The following GPC6 variants were observed in gnomAD, a reference collection of about 807,000 sequenced individuals.
GPC6 encodes glypican 6.
In GPC6, 14 loss-of-function variants were observed where a neutral mutation model predicts 55.2. That is an observed-to-expected ratio of 0.25 (90% confidence interval 0.17 to 0.40). The LOEUF (loss-of-function observed/expected upper bound fraction) is 0.40, where lower values mean the gene tolerates loss of function less well. GPC6 is among the 10% of genes least tolerant of loss of function. The probability of loss-of-function intolerance (pLI) is 1.00; values close to 1 mark genes in which losing one functional copy is unlikely to be tolerated. For synonymous variants in GPC6, 278 were observed against 259.6 expected (o/e 1.07, Z -0.68); for missense variants, 641 against 708.5 (o/e 0.90, Z 1.08).
At position 93,439,699 on chromosome 13, in the gene GPC6, T is replaced by TAAAATAAAATAAAATAAA. The variant is rs1566358102; in HGVS notation, c.161-105562_161-105545dup. 1.1e-3 allele frequency among the ~76,000 whole-genome samples: 156 copies of TAAAATAAAATAAAATAAA among 136,480 alleles called. 2 individuals carry two copies. Among genetic ancestry groups the TAAAATAAAATAAAATAAA allele is most frequent in the African/African-American group, 4.4e-3 (140 of 32,138 alleles). The allele number at this position is 136,480 out of a possible 152,430, so 89.5% of individuals were successfully genotyped here. ...AATAAAATAAAATAAATAAAAAAAATAAAATAAAATAAAATAAAATAAAAC... is the reference window on the plus strand; with the variant it reads ...AATAAAATAAAATAAATAAAAAAAATAAAATAAAATAAAATAAAAAAATAAAATAAAATAAAATAAAAC... On this transcript the variant is annotated intron_variant, in intron 1 of 8. Coordinates refer to ENST00000377047, the MANE Select transcript of GPC6 (RefSeq NM_005708.5).
intron 4 of GPC6, among the ~76,000 whole-genome samples, chr13:94,235,194 A>G (rs1445930295): frequency 6.6e-6 from 1 of 152,156 alleles, no homozygotes; most frequent in Non-Finnish European, 1.5e-5. Context: ...TGAACTGGAG[A>G]TCAAAGAGTG....
chr13:93,714,031 A>G (rs565173581), intron 2 of GPC6, among the ~76,000 whole-genome samples: 3 of 152,042 alleles, frequency 2.0e-5, no homozygotes, highest in South Asian at 4.1e-4. Flanking sequence ...CTTGAGAAAG[A>G]ATTTATGACT....
At chr13:93,708,072 TCAAA>T (rs1882917046) in intron 2 of GPC6, among the ~76,000 whole-genome samples, 1 of 151,788 alleles carries the variant, frequency 6.6e-6, no homozygotes, top group Admixed American at 6.6e-5. Flanking sequence ...AGAATAAACA[TCAAA>T]CAATAATGAT....
chr13:93,490,514 G>GTTTTTTT (rs796098096), intron 1 of GPC6, among the ~76,000 whole-genome samples: 2 of 35,320 alleles, frequency 5.7e-5, no homozygotes. Context: ...TTTTTTTTGA[G>GTTTTTTT]TTTTTTTTTT....
At chr13:93,671,292 C>T (rs1312077198) in intron 2 of GPC6, among the ~76,000 whole-genome samples, 3 of 150,332 alleles carry the variant, frequency 2.0e-5, no homozygotes, top group East Asian at 2.0e-4. Context: ...TTCCCTTCCT[C>T]GAAGATCTCC....
intron 4 of GPC6, among the ~76,000 whole-genome samples, chr13:94,066,188 A>G (rs1185375269): frequency 6.6e-6 from 1 of 152,178 alleles, no homozygotes; most frequent in South Asian, 2.1e-4. Flanking sequence ...TTTTATACCC[A>G]TTGTAGATAT....
chr13:93,429,795 T>C (rs1877286859), intron 1 of GPC6, among the ~76,000 whole-genome samples: 2 of 152,226 alleles, frequency 1.3e-5, no homozygotes, highest in South Asian at 4.1e-4. Context: ...AGGGACAGTC[T>C]GTCCTTCATG....
chr13:93,613,529 AAACACACACACAC>A (rs1878582277), intron 2 of GPC6, among the ~76,000 whole-genome samples: 1 of 128,432 alleles, frequency 7.8e-6, no homozygotes, highest in African/African-American at 2.7e-5. Flanking sequence ...CACACACACA[AAACACACACACAC>A]ACACACACAC....
chr13:93,281,677 C>T (rs1594071266), intron 1 of GPC6, among the ~76,000 whole-genome samples: 5 of 152,240 alleles, frequency 3.3e-5, no homozygotes, highest in Admixed American at 2.6e-4. Flanking sequence ...ATTAGCCAAG[C>T]ATGGTGGTGG....
At chr13:94,056,266 C>T (rs1361366623) in intron 4 of GPC6, among the ~76,000 whole-genome samples, 4 of 152,060 alleles carry the variant, frequency 2.6e-5, no homozygotes, top group African/African-American at 9.7e-5. Flanking sequence ...TTATTCCCCC[C>T]ACTTCACCAC....
intron 2 of GPC6, among the ~76,000 whole-genome samples, chr13:93,716,259 T>C (rs1883252659): frequency 6.6e-6 from 1 of 151,792 alleles, no homozygotes; most frequent in Non-Finnish European, 1.5e-5. Flanking sequence ...CACCTCCTAC[T>C]TATAAAAAAT....
intron 3 of GPC6, among the ~76,000 whole-genome samples, chr13:93,854,269 A>G (rs942092189): frequency 2.0e-5 from 3 of 151,492 alleles, no homozygotes; most frequent in Non-Finnish European, 4.4e-5. Flanking sequence ...CCTTCATCCC[A>G]TTTCTCGTTT....
chr13:94,278,542 T>A (rs1416371794), intron 4 of GPC6, among the ~76,000 whole-genome samples: 2 of 152,228 alleles, frequency 1.3e-5, no homozygotes, highest in Non-Finnish European at 2.9e-5. Context: ...TTCCAACGTT[T>A]GCCCATTCAA....
chr13:93,373,484 A>G (rs1874753875), intron 1 of GPC6, among the ~76,000 whole-genome samples: 2 of 152,236 alleles, frequency 1.3e-5, no homozygotes, highest in South Asian at 2.1e-4. Flanking sequence ...CAACCAAAGA[A>G]CAAACAAGCA....
chr13:93,692,312 C>T (rs1882287877), intron 2 of GPC6, among the ~76,000 whole-genome samples: 1 of 151,992 alleles, frequency 6.6e-6, no homozygotes, highest in African/African-American at 2.4e-5. Context: ...ATGCATTTTA[C>T]AATATTTGAA....
At chr13:93,455,511 G>GA (rs1312005308) in intron 1 of GPC6, among the ~76,000 whole-genome samples, 1 of 151,912 alleles carries the variant, frequency 6.6e-6, no homozygotes, top group Non-Finnish European at 1.5e-5. Context: ...GTAATATATG[G>GA]AAAAGAATAG....
Position 93,817,864 on chromosome 13 carries a change from T to C in GPC6, c.320-12290T>C, listed in dbSNP as rs539139079. 2.7e-5 allele frequency among the ~76,000 whole-genome samples: 3 copies of C among 109,124 alleles called. No homozygotes were observed. The East Asian group carries it at 8.7e-4, about 32-fold the overall frequency. 71.6% of individuals were successfully genotyped at this position (109,124 alleles called of 152,430 possible). On this transcript the variant is annotated intron_variant, in intron 2 of 8. Transcript: ENST00000377047. The stretch of plus-strand genomic sequence containing the variant: ...CAGAGTGAGACCCTGTTTCAAAAAA[T>C]AATGTATAGATAGATAGATAGATAG...
chr13:93,813,910 C>T (rs1886772248), intron 2 of GPC6, among the ~76,000 whole-genome samples: 1 of 151,726 alleles, frequency 6.6e-6, no homozygotes, highest in Non-Finnish European at 1.5e-5. Flanking sequence ...ATATTGTGTG[C>T]AGTGGTATAT....
At chr13:93,380,576 G>A (rs1182803750) in intron 1 of GPC6, among the ~76,000 whole-genome samples, 1 of 152,112 alleles carries the variant, frequency 6.6e-6, no homozygotes, top group African/African-American at 2.4e-5. Context: ...AGAGCATTTT[G>A]ATTTGCCTCA....
Sources: gnomAD v4.1 joint callset for allele counts (sites outside exome capture counted in the v4.1 genomes callset) on GRCh38, gnomAD v4.1.1 for gene constraint, MANE v1.5 for transcripts, NCBI Gene and HGNC (gene_info 2026-07-23, HGNC 2026-07-21) for gene names.